SCOC: variants seen among roughly 807,000 people sequenced by gnomAD.
SCOC encodes the protein short coiled coil protein.
In SCOC, 7 loss-of-function variants were observed where a neutral mutation model predicts 9.9. That is an observed-to-expected ratio of 0.71 (90% CI 0.40 to 1.33). The LOEUF (loss-of-function observed/expected upper bound fraction) is 1.33. Among genes scored for constraint, SCOC ranks in the 40% most tolerant of loss-of-function variants. The pLI is 0.01. For synonymous variants in SCOC, 19 were observed against 28.2 expected, an observed-to-expected ratio of 0.67 and a Z score of 1.03; for missense variants, 66 against 89.7, an observed-to-expected ratio of 0.74 and a Z score of 1.07.
intron 3 of SCOC, among the ~76,000 whole-genome samples, chr4:140,380,652 G>GCTT (rs1204916161): frequency 1.3e-5 from 2 of 152,130 alleles, no homozygotes; most frequent in African/African-American, 4.8e-5. Flanking sequence ...AACATTTCTA[G>GCTT]TAAAGATGTT....
At chr4:140,303,727 C>A (rs1164208398) in intron 1 of SCOC, among the ~76,000 whole-genome samples, 1 of 152,162 alleles carries the variant, frequency 6.6e-6, no homozygotes, top group Non-Finnish European at 1.5e-5. Context: ...TTGGGAAACG[C>A]CTGTGCAAAT....
chr4:140,316,421 G>A (rs1732319518), intron 1 of SCOC, among the ~76,000 whole-genome samples: 1 of 152,122 alleles, frequency 6.6e-6, no homozygotes, highest in African/African-American at 2.4e-5. Flanking sequence ...TTCAATCTAT[G>A]TATATAGCAT....
chr4:140,351,802 T>C (rs1726990823), intron 2 of SCOC, among the ~76,000 whole-genome samples: 1 of 152,094 alleles, frequency 6.6e-6, no homozygotes, highest in South Asian at 2.1e-4. Flanking sequence ...TTCCTTTTCA[T>C]CTCATCCTCC....
At chr4:140,341,618 A>T (rs534865655), upstream of SCOC, among the ~76,000 whole-genome samples, 2 of 152,240 alleles carry the variant, frequency 1.3e-5, no homozygotes, top group South Asian at 4.1e-4. Flanking sequence ...TTCCTAAAAT[A>T]CTGGTCCATG....
At chr4:140,360,662 C>G (rs527922709) in intron 2 of SCOC, 19 of 152,312 alleles carry the variant, frequency 1.2e-4, no homozygotes, top group Admixed American at 5.2e-4. Flanking sequence ...TTTTATGACA[C>G]AGAGAAAGTA....
At position 140,317,314 on chromosome 4, in the gene SCOC, G is replaced by A. The variant is rs560949604; in HGVS notation, c.-18-26307G>A. Among the ~76,000 whole-genome samples, 204 of 152,310 alleles carry A rather than the reference G, an allele frequency of 1.3e-3. 1 individual carries two copies. The highest frequency in any genetic ancestry group is 4.7e-3 in the African/African-American group (196 of 41,588). On this transcript the variant is annotated intron_variant, in intron 1 of 4. Coordinates refer to the SCOC transcript ENST00000394205. ...AAGGCAGAAATGGAATCTACAGGCA[G>A]ATAGCACAGCACCGTGTCCTGGGCC...
In SCOC at chr4:140,351,202, A is replaced by AG. The variant is rs1553939877; in HGVS notation, c.70+7494_70+7495insG. On this transcript the variant is annotated intron_variant, in intron 2 of 4. Transcript: ENST00000338517. ...CGAGACTTTATCTAAAAAAAAAAAA[A>AG]AAGAAGAAGAAGGCTCTGAGATTTG... is the stretch of plus-strand genomic sequence containing the variant. 3.9e-5 allele frequency among the ~76,000 whole-genome samples: 6 copies of AG among 151,986 alleles called. No homozygotes were observed. The East Asian group carries it at 5.8e-4, about 15-fold the overall frequency.
At chr4:140,291,544 A>G (rs756563141) in intron 1 of SCOC, 14 of 454,798 alleles carry the variant, frequency 3.1e-5, no homozygotes, top group Non-Finnish European at 4.9e-5. Flanking sequence ...ATTATGGCAG[A>G]GGGTGAGTGA....
chr4:140,343,530 C>A, intron 1 of SCOC: 1 of 785,536 alleles, frequency 1.3e-6, no homozygotes, highest in South Asian at 1.6e-5. Flanking sequence ...CAGATAGCAC[C>A]TGCTTGGAAG....
chr4:140,344,753 G>T (rs1309009134), intron 2 of SCOC, among the ~76,000 whole-genome samples: 2 of 152,214 alleles, frequency 1.3e-5, no homozygotes, highest in Non-Finnish European at 2.9e-5. Flanking sequence ...AGACAGAGCT[G>T]CAGAAGGCAG....
At chr4:140,344,059 A>G (rs1726612401) in intron 2 of SCOC, among the ~76,000 whole-genome samples, 1 of 152,188 alleles carries the variant, frequency 6.6e-6, no homozygotes. Flanking sequence ...TATCTTGTAA[A>G]ATAATTGTAT....
intron 1 of SCOC, among the ~76,000 whole-genome samples, chr4:140,375,254 A>G (rs1412545994): frequency 2.6e-5 from 4 of 152,208 alleles, no homozygotes; most frequent in Non-Finnish European, 5.9e-5. Context: ...CTGTTGCCCA[A>G]ATTAGAGCTA....
chr4:140,347,071 T>A (rs1012540117), intron 2 of SCOC, among the ~76,000 whole-genome samples: 3 of 152,238 alleles, frequency 2.0e-5, no homozygotes, highest in African/African-American at 7.2e-5. Flanking sequence ...GGAGAAGTTA[T>A]GCAGTGCCCA....
At chr4:140,303,160 G>C (rs1404202891) in intron 1 of SCOC, among the ~76,000 whole-genome samples, 2 of 152,068 alleles carry the variant, frequency 1.3e-5, no homozygotes, top group African/African-American at 4.8e-5. Context: ...CTTTCTTTAG[G>C]GGGTTATGCA....
intron 1 of SCOC, among the ~76,000 whole-genome samples, chr4:140,290,589 G>A (rs1731443043): frequency 6.6e-6 from 1 of 152,220 alleles, no homozygotes; most frequent in Non-Finnish European, 1.5e-5. Context: ...GAGGTGGGCA[G>A]ATCACCTGAG....
chr4:140,291,182 T>C (rs746366644), intron 1 of SCOC, among the ~76,000 whole-genome samples: 14 of 152,176 alleles, frequency 9.2e-5, no homozygotes, highest in Non-Finnish European at 1.6e-4. Context: ...AAGCTGGCAG[T>C]CTTCTGAGTC....
rs998888416 is a variant in SCOC, at chr4:140,382,015, C to T, written c.*911C>T. On this transcript the variant is annotated 3_prime_UTR_variant, in exon 4 of 4. Transcript: ENST00000608372. ...TATGAAAGTGGATTAAGTTTGACTA[C>T]CCTTATGTTAGCCACATCTGGATGA... 3.3e-5 allele frequency: 5 copies of T among 152,084 alleles called. No homozygotes were observed. The highest frequency in any genetic ancestry group is 1.2e-4 in the African/African-American group (5 of 41,404). The allele number at this position is 152,084 out of a possible 1,614,324, so 9.4% of individuals were successfully genotyped here.
At chr4:140,287,278 TG>T in intron 1 of SCOC, among the ~76,000 whole-genome samples, 1 of 146,196 alleles carries the variant, frequency 6.8e-6, no homozygotes, top group South Asian at 2.1e-4. Flanking sequence ...CATGTGCACA[TG>T]CCACACAGAC....
intron 1 of SCOC, among the ~76,000 whole-genome samples, chr4:140,264,236 C>G (rs1450771135): frequency 6.6e-6 from 1 of 152,096 alleles, no homozygotes; most frequent in East Asian, 1.9e-4. Context: ...ACTTCCAGCT[C>G]CAGTGATCAT....
Sources: allele counts gnomAD v4.1 joint callset (sites outside exome capture counted in the v4.1 genomes callset), GRCh38; gene constraint gnomAD v4.1.1; transcripts MANE v1.5; gene names NCBI Gene and HGNC (gene_info 2026-07-23, HGNC 2026-07-21).